Variants in EVC2 observed in about 807,000 individuals in gnomAD.
The protein encoded by EVC2 is limbin.
In EVC2, 148 loss-of-function variants were observed where a neutral mutation model predicts 149.3. The ratio of observed to expected loss-of-function variants is 0.99; its 90% CI spans 0.87 to 1.14. The LOEUF (loss-of-function observed/expected upper bound fraction) is 1.14, where lower values mean the gene tolerates loss of function less well. Among genes scored for constraint, EVC2 ranks in the 50% most tolerant of loss-of-function variants. The pLI, the probability that EVC2 is intolerant of heterozygous loss-of-function variation, is 0.00. For missense variants in EVC2, 1,854 were observed against 1,627.3 expected, an observed-to-expected ratio of 1.14 and a Z score of -2.40; for synonymous variants, 776 against 649.9, an observed-to-expected ratio of 1.19 and a Z score of -2.95.
At chr4:5,630,917 T>C (rs766994185) in intron 11 of EVC2, among the ~76,000 whole-genome samples, 2 of 152,216 alleles carry the variant, frequency 1.3e-5, no homozygotes, top group African/African-American at 4.8e-5. Flanking sequence ...TAGAGCAAGC[T>C]ATCAGCACCA....
chr4:5,620,427 C>T (rs746181912), intron 14 of EVC2, among the ~76,000 whole-genome samples: 3 of 152,122 alleles, frequency 2.0e-5, no homozygotes, highest in Admixed American at 6.5e-5. Context: ...CAGGAACTTC[C>T]GAAAGAAGGC....
chr4:5,577,108 C>G (rs187471383), intron 17 of EVC2, among the ~76,000 whole-genome samples: 393 of 152,330 alleles, frequency 2.6e-3, no homozygotes, highest in African/African-American at 8.8e-3. Flanking sequence ...TTACAACAAT[C>G]CTTCAGAATA....
Position 5,618,468 on chromosome 4 carries a change from T to A in EVC2, c.2706+10A>T, listed in dbSNP as rs1450720086. On this transcript the variant is annotated intron_variant, in intron 15 of 21. Transcript: ENST00000344408. This position sits in a 1 kb window ranked among gnomAD's most constrained non-coding sequence, Gnocchi z 4.4. ...GCTTCTGTAATCGGCCACTGACAGG[T>A]CCATCCTACCTGCAGCTCAGGGGCA... The A allele has an allele frequency of 6.2e-7, 1 of 1,612,390 alleles. No individual in the cohort carries two copies. The highest frequency in any genetic ancestry group is 8.5e-7 in the Non-Finnish European group (1 of 1,179,996).
intron 9 of EVC2, among the ~76,000 whole-genome samples, chr4:5,653,662 G>T (rs1718300423): frequency 6.6e-6 from 1 of 152,158 alleles, no homozygotes; most frequent in African/African-American, 2.4e-5. Context: ...ATCAATATTG[G>T]ATCATTCACT....
chr4:5,571,078 G>C (rs1389264692), intron 19 of EVC2, among the ~76,000 whole-genome samples: 2 of 152,076 alleles, frequency 1.3e-5, no homozygotes, highest in Non-Finnish European at 2.9e-5. Flanking sequence ...CACTTTGGGA[G>C]GCTGAGGCGG....
At chr4:5,692,943 T>A (rs368806871) in intron 3 of EVC2, among the ~76,000 whole-genome samples, 1 of 148,194 alleles carries the variant, frequency 6.7e-6, no homozygotes, top group African/African-American at 2.5e-5. Context: ...GCGGACAATA[T>A]GCAACAGCAT....
Position 5,584,719 on chromosome 4 carries a change from G to T in EVC2, c.2961C>A (p.Ala987=), listed in dbSNP as rs1431347529. 3 of 1,614,168 alleles carry T rather than the reference G, an allele frequency of 1.9e-6. No homozygotes were observed. The highest frequency in any genetic ancestry group is 2.5e-6 in the Non-Finnish European group (3 of 1,180,022). The part of the protein sequence containing the change: ...RVTETLSAYT[A]LLSIQDLLLE... ...GGAGCAAGTCCTGGATGCTGAGGAG[G>T]GCGGTGTAGGCCGACAGAGTCTCGG... The change falls in exon 17 of 22, where the codon GCC becomes GCA. Residue 987 remains alanine, a synonymous_variant. Coordinates refer to ENST00000344408, the MANE Select transcript of EVC2 (RefSeq NM_147127.5).
rs1177581812 is a variant in EVC2, at chr4:5,696,589, G to T, written c.283+1004C>A. Among the ~76,000 whole-genome samples the T allele has an allele frequency of 6.6e-6, 1 of 152,210 alleles. No homozygotes were observed. The highest frequency in any genetic ancestry group is 1.5e-5 in the Non-Finnish European group (1 of 68,044). On this transcript the variant is annotated intron_variant, in intron 2 of 21. Transcript: ENST00000344408. This position sits in a 1 kb window ranked among gnomAD's most constrained non-coding sequence, Gnocchi z 4.1. ...GCTCAGGAGCCAGGGACTGCCCGCGGCATTTTTCCCACCATGGGGAAAGGA... is the reference window on the plus strand; with the variant it reads ...GCTCAGGAGCCAGGGACTGCCCGCGTCATTTTTCCCACCATGGGGAAAGGA...
chr4:5,573,500 T>C (rs1399306390), intron 19 of EVC2, among the ~76,000 whole-genome samples: 1 of 152,136 alleles, frequency 6.6e-6, no homozygotes, highest in Non-Finnish European at 1.5e-5. Context: ...AGGACCTCAG[T>C]CCTACAACCA....
upstream of EVC2, chr4:5,708,663 G>T (rs1348477942): frequency 3.6e-6 from 2 of 554,816 alleles, no homozygotes; most frequent in Admixed American, 8.7e-5. Context: ...GGGCTTGGCG[G>T]GCCAGGAGGT....
Position 5,696,819 on chromosome 4 carries a change from G to A in EVC2, c.283+774C>T, listed in dbSNP as rs1172689626. Among the ~76,000 whole-genome samples the A allele has an allele frequency of 1.3e-5, 2 of 152,196 alleles. No homozygotes were observed. Among genetic ancestry groups the A allele is most frequent in the African/African-American group, 4.8e-5 (2 of 41,450 alleles). The stretch of plus-strand genomic sequence containing the variant: ...TTTCGACCACTGAGTGTGGCAAGCT[G>A]AATAAAGGTCCGCAAAGACAGCCAG... On this transcript the variant is annotated intron_variant, in intron 2 of 21. Coordinates refer to ENST00000344408, the MANE Select transcript of EVC2 (RefSeq NM_147127.5). The surrounding 1 kb of genome is among the most constrained non-coding windows in gnomAD (Gnocchi z 4.1).
intron 12 of EVC2, among the ~76,000 whole-genome samples, chr4:5,626,994 G>A (rs1261195610): frequency 6.6e-6 from 1 of 152,148 alleles, no homozygotes; most frequent in Non-Finnish European, 1.5e-5. Context: ...AATCACTTGA[G>A]CTAGTTCCTA....
At chr4:5,616,731 C>T (rs1278857576) in intron 15 of EVC2, among the ~76,000 whole-genome samples, 2 of 152,250 alleles carry the variant, frequency 1.3e-5, no homozygotes, top group Non-Finnish European at 2.9e-5. Flanking sequence ...AAGGGAGCTG[C>T]GGCTCCATCC....
chr4:5,529,795 G>A, the EVC2 span, among the ~76,000 whole-genome samples: 1 of 150,504 alleles, frequency 6.6e-6, no homozygotes, highest in Non-Finnish European at 1.5e-5. This position sits in a 1 kb window ranked among gnomAD's most constrained non-coding sequence, Gnocchi z 4.5. Context: ...GAAATGGGAA[G>A]AACTGATTAA....
At chr4:5,546,845 G>A (rs931727339) in intron 21 of EVC2, among the ~76,000 whole-genome samples, 1 of 152,184 alleles carries the variant, frequency 6.6e-6, no homozygotes, top group Non-Finnish European at 1.5e-5. Context: ...CAGCAAGGAG[G>A]CATACTCCAT....
At chr4:5,678,967 G>C (rs1720165748) in intron 7 of EVC2, among the ~76,000 whole-genome samples, 1 of 151,818 alleles carries the variant, frequency 6.6e-6, no homozygotes, top group Non-Finnish European at 1.5e-5. Context: ...GGAGGCAGAG[G>C]TTGCAGTGAG....
intron 9 of EVC2, among the ~76,000 whole-genome samples, chr4:5,643,876 T>C (rs951963477): frequency 6.6e-6 from 1 of 152,134 alleles, no homozygotes; most frequent in Non-Finnish European, 1.5e-5. Flanking sequence ...GCCTGGGCAA[T>C]AGGGCGAGAC....
intron 4 of EVC2, among the ~76,000 whole-genome samples, chr4:5,690,138 C>CATGT (rs1408290807): frequency 2.0e-5 from 3 of 152,222 alleles, no homozygotes; most frequent in Admixed American, 6.5e-5. Context: ...CATGCATGTG[C>CATGT]ACACACTTAT....
downstream of EVC2, among the ~76,000 whole-genome samples, chr4:5,558,508 A>T (rs11726070): frequency 0.54 from 82,694 of 152,096 alleles, 23,976 homozygotes; most frequent in Non-Finnish European, 0.66. Context: ...TTTGTATCAT[A>T]TTATACAATC....
Sources: allele counts gnomAD v4.1 joint callset (sites outside exome capture counted in the v4.1 genomes callset), GRCh38; gene constraint gnomAD v4.1.1; non-coding constraint Gnocchi (gnomAD v3.1); transcripts MANE v1.5; gene names NCBI Gene and HGNC (gene_info 2026-07-23, HGNC 2026-07-21).